C21orf91: variants seen among roughly 807,000 people sequenced by gnomAD.
C21orf91 encodes the protein chromosome 21 open reading frame 91.
Under a neutral mutation model 32.9 loss-of-function variants are expected in C21orf91, and 26 were observed. That is an observed-to-expected ratio of 0.79 (90% confidence interval 0.58 to 1.10). C21orf91 has a LOEUF of 1.10. Ranked by LOEUF, C21orf91 falls within the 50% of genes least tolerant of loss-of-function variation. The pLI, the probability that C21orf91 is intolerant of heterozygous loss-of-function variation, is 0.00. For synonymous variants in C21orf91, 126 were observed against 120.4 expected, an observed-to-expected ratio of 1.05 and a Z score of -0.31; for missense variants, 310 against 341.3, an observed-to-expected ratio of 0.91 and a Z score of 0.72.
chr21:17,800,405 C>T (rs1290280044), intron 2 of C21orf91, among the ~76,000 whole-genome samples: 2 of 152,094 alleles, frequency 1.3e-5, no homozygotes, highest in Non-Finnish European at 2.9e-5. Flanking sequence ...ATGTGAGTAG[C>T]TCACTTAATT....
At chr21:17,813,974 G>A (rs1424372201) in intron 2 of C21orf91, 3 of 151,068 alleles carry the variant, frequency 2.0e-5, no homozygotes, top group South Asian at 4.2e-4. Context: ...ATGAAGAAAG[G>A]AAAAAAAGCT....
chr21:17,792,627 G>A lies in C21orf91; in HGVS notation c.*788C>T, dbSNP rs2062484940. The A allele has an allele frequency of 6.6e-6, 1 of 152,130 alleles. No homozygotes were observed. Among genetic ancestry groups the A allele is most frequent in the South Asian group, 2.1e-4 (1 of 4,832 alleles). 9.4% of individuals were successfully genotyped at this position (152,130 alleles called of 1,614,324 possible). A position where few individuals can be genotyped will look rare whatever the true frequency, so the allele number is the denominator to read the frequency against. ...AAGCTAATAATGAAAGAAGCAAGAGGAGGCTTTCATTTCTATGGAGACAAA... is the reference window on the plus strand; with the variant it reads ...AAGCTAATAATGAAAGAAGCAAGAGAAGGCTTTCATTTCTATGGAGACAAA... On this transcript the variant is annotated 3_prime_UTR_variant, in exon 5 of 5. Transcript: ENST00000284881.
Position 17,791,186 on chromosome 21 carries a change from C to T in C21orf91, c.*2229G>A, listed in dbSNP as rs1344008778. On this transcript the variant is annotated 3_prime_UTR_variant, in exon 5 of 5. Transcript: ENST00000284881. ...GTTTACCAAACATTTGGATAAACTG[C>T]TGTGCAAAATACTTCAACAAAAAGT... 6.6e-6 allele frequency: 1 copy of T among 152,128 alleles called. No individual in the cohort carries two copies. Among genetic ancestry groups the T allele is most frequent in the Non-Finnish European group, 1.5e-5 (1 of 67,978 alleles). 9.4% of individuals were successfully genotyped at this position (152,128 alleles called of 1,614,324 possible). A position where few individuals can be genotyped will look rare whatever the true frequency, so the allele number is the denominator to read the frequency against.
chr21:17,795,260 C>G lies in C21orf91; in HGVS notation c.675G>C (p.Met225Ile). 2 of 1,607,346 alleles carry G rather than the reference C, an allele frequency of 1.2e-6. No individual in the cohort carries two copies. Among genetic ancestry groups the G allele is most frequent in the Non-Finnish European group, 1.7e-6 (2 of 1,174,174 alleles). Residue 225 changes from methionine to isoleucine, a missense_variant, in exon 4 of 5, where the codon ATG becomes ATC. By Grantham distance (10) the Met-to-Ile change is conservative. Transcript: ENST00000284881. Reference protein sequence around the residue: ...PHYSREELNSMTLGEVEQLNA... With the variant: ...PHYSREELNSITLGEVEQLNA... The stretch of plus-strand genomic sequence containing the variant: ...TCAGTTGCTCTACCTCACCAAGAGT[C>G]ATCGAATTCACTGAAACATGAAAAT...
chr21:17,807,989 G>A (rs1465247305), intron 2 of C21orf91, among the ~76,000 whole-genome samples: 3 of 152,206 alleles, frequency 2.0e-5, no homozygotes. Context: ...CTCATTTTCT[G>A]GGGAGGAATT....
At position 17,795,311 on chromosome 21, in the gene C21orf91, A is replaced by C. The variant is rs76628626; in HGVS notation, c.665-41T>G. 3,185 of 1,321,800 alleles carry C rather than the reference A, an allele frequency of 2.4e-3. 102 individuals carry two copies. In the East Asian group the frequency reaches 0.065, roughly 27 times the overall value. The allele number at this position is 1,321,800 out of a possible 1,614,324, so 81.9% of individuals were successfully genotyped here. A position where few individuals can be genotyped will look rare whatever the true frequency, so the allele number is the denominator to read the frequency against. ...GTATTCACTATTACCACAACAACCT[A>C]GGAAAACATGCTGCTTACATCACCA... On this transcript the variant is annotated intron_variant, in intron 3 of 4. Coordinates refer to ENST00000284881, the MANE Select transcript of C21orf91 (RefSeq NM_001100420.2).
chr21:17,792,985 T>C lies in C21orf91; in HGVS notation c.*430A>G, dbSNP rs1392283983. On this transcript the variant is annotated 3_prime_UTR_variant, in exon 5 of 5. Transcript: ENST00000284881. ...AAAGAGAATGGCAAAGTACCTAAAATAGCATTTTCACATATAAAATTTTTA... is the reference window on the plus strand; with the variant it reads ...AAAGAGAATGGCAAAGTACCTAAAACAGCATTTTCACATATAAAATTTTTA... 1 of 152,594 alleles carries C rather than the reference T, an allele frequency of 6.6e-6. No individual in the cohort carries two copies. 9.5% of individuals were successfully genotyped at this position (152,594 alleles called of 1,614,324 possible). A position where few individuals can be genotyped will look rare whatever the true frequency, so the allele number is the denominator to read the frequency against.
Position 17,793,294 on chromosome 21 carries a change from T to C in C21orf91, c.*121A>G, listed in dbSNP as rs1241504905. 4.8e-6 allele frequency: 3 copies of C among 631,538 alleles called. No individual in the cohort carries two copies. The Admixed American group carries it at 9.6e-5, about 20-fold the overall frequency. The allele number at this position is 631,538 out of a possible 1,614,324, so 39.1% of individuals were successfully genotyped here. A position where few individuals can be genotyped will look rare whatever the true frequency, so the allele number is the denominator to read the frequency against. On this transcript the variant is annotated 3_prime_UTR_variant, in exon 5 of 5. Coordinates refer to ENST00000284881, the MANE Select transcript of C21orf91 (RefSeq NM_001100420.2). Reference sequence around the variant, plus strand: ...TTTGACAAAGATGTTAAATACTGCCTTATGTTTGGCAAATTTAATGACCAT... The same window carrying C: ...TTTGACAAAGATGTTAAATACTGCCCTATGTTTGGCAAATTTAATGACCAT...
chr21:17,811,942 C>T (rs940449035), intron 2 of C21orf91, among the ~76,000 whole-genome samples: 1 of 152,042 alleles, frequency 6.6e-6, no homozygotes, highest in African/African-American at 2.4e-5. Flanking sequence ...CATATATATA[C>T]TCCTCTGTTG....
intron 2 of C21orf91, among the ~76,000 whole-genome samples, chr21:17,802,126 A>C (rs2062565956): frequency 6.6e-6 from 1 of 152,084 alleles, no homozygotes; most frequent in South Asian, 2.1e-4. Flanking sequence ...TGCAAAGACT[A>C]CTCAAATGTT....
rs538854545 is a variant in C21orf91 at position 17,793,677 on chromosome 21, A to C, written c.728-96T>G. 5.4e-6 allele frequency: 4 copies of C among 747,596 alleles called. No individual in the cohort carries two copies. In the East Asian group the frequency reaches 1.1e-4, roughly 20 times the overall value. The allele number at this position is 747,596 out of a possible 1,614,324, so 46.3% of individuals were successfully genotyped here. ...TCTAACTGAAATCTATGCATTGGGC[A>C]AAGTGTCACAATGAAACTGATTTGA... On this transcript the variant is annotated intron_variant, in intron 4 of 4. Coordinates refer to ENST00000284881, the MANE Select transcript of C21orf91 (RefSeq NM_001100420.2).
At position 17,797,092 on chromosome 21, in the gene C21orf91, T is replaced by C; in HGVS notation, c.154A>G (p.Thr52Ala). ...EGVPKSDLLH[T>A]KSLRGHKDCF... The stretch of plus-strand genomic sequence containing the variant: ...TCTTTATGGCCCCTTAATGATTTGG[T>C]GTGCAAGAGATCAGACTTTGGTACC... The change falls in exon 3 of 5, where the codon ACC (threonine) becomes GCC (alanine). Residue 52 changes from threonine to alanine, a missense_variant. By Grantham distance (58) the Thr-to-Ala change is moderately conservative. Coordinates refer to ENST00000284881, the MANE Select transcript of C21orf91 (RefSeq NM_001100420.2). 5.6e-6 allele frequency: 9 copies of C among 1,599,888 alleles called. No individual in the cohort carries two copies. Among genetic ancestry groups the C allele is most frequent in the Non-Finnish European group, 7.7e-6 (9 of 1,174,366 alleles).
In C21orf91 at chr21:17,793,375, A is replaced by G; in HGVS notation, c.*40T>C. On this transcript the variant is annotated 3_prime_UTR_variant, in exon 5 of 5. Transcript: ENST00000284881. ...TCTTCAAAGTTTGCATGTCTGGGAG[A>G]CCAATAAAGGGCAGGGCATACGAAG... The G allele has an allele frequency of 6.9e-7, 1 of 1,441,786 alleles. No homozygotes were observed. The highest frequency in any genetic ancestry group is 9.3e-7 in the Non-Finnish European group (1 of 1,074,424). The allele number at this position is 1,441,786 out of a possible 1,614,324, so 89.3% of individuals were successfully genotyped here. A position where few individuals can be genotyped will look rare whatever the true frequency, so the allele number is the denominator to read the frequency against.
In C21orf91 at chr21:17,790,898, C is replaced by T. The variant is rs887547844; in HGVS notation, c.*2517G>A. 6.6e-5 allele frequency: 10 copies of T among 152,040 alleles called. No homozygotes were observed. Among genetic ancestry groups the T allele is most frequent in the Admixed American group, 2.6e-4 (4 of 15,262 alleles). The allele number at this position is 152,040 out of a possible 1,614,324, so 9.4% of individuals were successfully genotyped here. A position where few individuals can be genotyped will look rare whatever the true frequency, so the allele number is the denominator to read the frequency against. ...GAAAAAGATTTGTCTTATCTCACTC[C>T]CCTTAATCATATAAGCTCTGAAAAT... On this transcript the variant is annotated 3_prime_UTR_variant, in exon 5 of 5. Coordinates refer to ENST00000284881, the MANE Select transcript of C21orf91 (RefSeq NM_001100420.2).
At chr21:17,797,408 A>T (rs947829170) in intron 2 of C21orf91, among the ~76,000 whole-genome samples, 1 of 152,082 alleles carries the variant, frequency 6.6e-6, no homozygotes, top group Non-Finnish European at 1.5e-5. Context: ...TACTGAACCC[A>T]GCAATTTACC....
At chr21:17,812,133 C>T (rs866145514) in intron 2 of C21orf91, among the ~76,000 whole-genome samples, 90 of 152,116 alleles carry the variant, frequency 5.9e-4, no homozygotes, top group African/African-American at 2.1e-3. Context: ...AAGTCTTTAC[C>T]AGATATTGTT....
rs1195889680 is a variant in C21orf91, at chr21:17,790,851, G to A, written c.*2564C>T. The A allele has an allele frequency of 2.0e-5, 3 of 152,076 alleles. No individual in the cohort carries two copies. The highest frequency in any genetic ancestry group is 4.4e-5 in the Non-Finnish European group (3 of 67,944). 9.4% of individuals were successfully genotyped at this position (152,076 alleles called of 1,614,324 possible). A position where few individuals can be genotyped will look rare whatever the true frequency, so the allele number is the denominator to read the frequency against. On this transcript the variant is annotated 3_prime_UTR_variant, in exon 5 of 5. Transcript: ENST00000284881. Reference sequence around the variant, plus strand: ...TAATTTTTAAAACTCAATTTAACGTGTCAAATTATAAAACTGAACGTGAAA... The same window carrying A: ...TAATTTTTAAAACTCAATTTAACGTATCAAATTATAAAACTGAACGTGAAA...
At chr21:17,801,776 C>A (rs536578399) in intron 2 of C21orf91, among the ~76,000 whole-genome samples, 1 of 151,088 alleles carries the variant, frequency 6.6e-6, no homozygotes. Context: ...CAAACCACCA[C>A]GGCATGTGTA....
At chr21:17,797,387 TAA>T (rs1424266579) in intron 2 of C21orf91, among the ~76,000 whole-genome samples, 1 of 152,002 alleles carries the variant, frequency 6.6e-6, no homozygotes, top group Non-Finnish European at 1.5e-5. Context: ...CTGCACGATA[TAA>T]AAAAATACTA....
Sources: gnomAD v4.1 joint callset for allele counts (sites outside exome capture counted in the v4.1 genomes callset) on GRCh38, gnomAD v4.1.1 for gene constraint, MANE v1.5 for transcripts, NCBI Gene and HGNC (gene_info 2026-07-23, HGNC 2026-07-21) for gene names.